Variants in CTDP1 observed in about 807,000 individuals in gnomAD.
CTDP1 encodes the protein RNA polymerase II subunit A C-terminal domain phosphatase.
Under a neutral mutation model 91.8 loss-of-function variants are expected in CTDP1, and 47 were observed. That is an observed-to-expected ratio of 0.51 (90% CI 0.41 to 0.65). CTDP1 has a LOEUF of 0.65. Ranked by LOEUF, CTDP1 falls within the 30% of genes least tolerant of loss-of-function variation. CTDP1 has a pLI of 0.00. For synonymous variants in CTDP1, 656 were observed against 598.5 expected, an observed-to-expected ratio of 1.10 and a Z score of -1.40; for missense variants, 1,272 against 1,373.7, an observed-to-expected ratio of 0.93 and a Z score of 1.17.
intron 1 of CTDP1, among the ~76,000 whole-genome samples, chr18:79,689,246 G>C (rs1457693121): frequency 6.6e-6 from 1 of 152,140 alleles, no homozygotes; most frequent in Non-Finnish European, 1.5e-5. Context: ...TGGTGAGACT[G>C]TCCCAGAGCC....
Position 79,713,050 on chromosome 18 carries a change from G to A in CTDP1, c.942G>A (p.Leu314=), listed in dbSNP as rs745589707. 1 of 1,614,124 alleles carries A rather than the reference G, an allele frequency of 6.2e-7. No individual in the cohort carries two copies. The highest frequency in any genetic ancestry group is 1.1e-5 in the South Asian group (1 of 91,074). Residue 314 remains leucine, a synonymous_variant, in exon 7 of 13, where the codon CTG becomes CTA. Transcript: ENST00000613122. The surrounding 1 kb of genome is among the most constrained non-coding windows in gnomAD (Gnocchi z 4.7). ...ATGTCTGGAAGTTTGCCCCCAATCT[G>A]ATAACTGTGAAGAAATATGTATACT... ...REDVWKFAPN[L]ITVKKYVYFQ...
At chr18:79,710,499 AT>A in intron 6 of CTDP1, 63 bp downstream of exon 6, 1 of 1,270,316 alleles carries the variant, frequency 7.9e-7, no homozygotes, top group Non-Finnish European at 1.2e-6. Flanking sequence ...CAAAAATCGC[AT>A]CTTGAAATTT....
intron 1 of CTDP1, among the ~76,000 whole-genome samples, chr18:79,692,340 C>G (rs2085643215): frequency 6.6e-6 from 1 of 152,126 alleles, no homozygotes; most frequent in African/African-American, 2.4e-5. Flanking sequence ...ACCTTTGAGT[C>G]TTTCTGGACT....
At chr18:79,718,421 C>A (rs534896483) in intron 10 of CTDP1, among the ~76,000 whole-genome samples, 2 of 152,322 alleles carry the variant, frequency 1.3e-5, no homozygotes, top group East Asian at 3.9e-4. Context: ...CTCTGCCAAC[C>A]CCAGGCTGCC....
At chr18:79,684,250 G>A (rs1167324243) in intron 1 of CTDP1, among the ~76,000 whole-genome samples, 2 of 152,230 alleles carry the variant, frequency 1.3e-5, no homozygotes, top group East Asian at 3.8e-4. Context: ...GTGCCGAGGA[G>A]CAGACTACGC....
upstream of CTDP1, chr18:79,677,709 G>A (rs1369168142): frequency 6.6e-6 from 1 of 152,252 alleles, no homozygotes; most frequent in Non-Finnish European, 1.5e-5. Flanking sequence ...CCCATGCTGA[G>A]TAGTCTGTCC....
At chr18:79,686,932 T>G (rs373160419) in intron 1 of CTDP1, among the ~76,000 whole-genome samples, 7 of 144,058 alleles carry the variant, frequency 4.9e-5, no homozygotes, top group African/African-American at 1.6e-4. Context: ...AGTTGGCTTC[T>G]CCAGTTCACT....
chr18:79,742,230 G>A (rs1401284568), intron 12 of CTDP1, among the ~76,000 whole-genome samples: 1 of 151,648 alleles, frequency 6.6e-6, no homozygotes, highest in Non-Finnish European at 1.5e-5. Flanking sequence ...GAGGAAGCGT[G>A]AGGGGTTGGT....
chr18:79,679,721 C>T (rs1055811448), upstream of CTDP1: 10 of 510,380 alleles, frequency 2.0e-5, no homozygotes, highest in Non-Finnish European at 3.3e-5. Flanking sequence ...GGAGCCGGCT[C>T]CGGCCCCGCG....
intron 4 of CTDP1, among the ~76,000 whole-genome samples, chr18:79,701,283 G>A (rs972992488): frequency 1.3e-5 from 2 of 152,052 alleles, no homozygotes; most frequent in African/African-American, 2.4e-5. Flanking sequence ...GGACAAGGCG[G>A]GTGGATCACG....
At chr18:79,690,472 C>T (rs889398370) in intron 1 of CTDP1, among the ~76,000 whole-genome samples, 9 of 152,146 alleles carry the variant, frequency 5.9e-5, no homozygotes, top group Non-Finnish European at 8.8e-5. Flanking sequence ...TTTGTGTATC[C>T]GCATTCAAGA....
chr18:79,753,446 C>T (rs1157458344), intron 12 of CTDP1, among the ~76,000 whole-genome samples: 2 of 152,230 alleles, frequency 1.3e-5, no homozygotes, highest in African/African-American at 4.8e-5. Flanking sequence ...TGTAACAGGG[C>T]TGGGGCCTCT....
chr18:79,706,110 C>T (rs971751129), intron 5 of CTDP1, among the ~76,000 whole-genome samples: 2 of 152,158 alleles, frequency 1.3e-5, no homozygotes, highest in South Asian at 4.1e-4. Flanking sequence ...ACTCCATCCT[C>T]GTGAATGGAA....
At chr18:79,695,538 A>T (rs1222107545) in intron 2 of CTDP1, among the ~76,000 whole-genome samples, 1 of 152,126 alleles carries the variant, frequency 6.6e-6, no homozygotes, top group African/African-American at 2.4e-5. Context: ...GTGGGGGGGC[A>T]TGCTGGAGGG....
At chr18:79,693,845 G>A (rs892137222) in intron 1 of CTDP1, among the ~76,000 whole-genome samples, 9 of 144,374 alleles carry the variant, frequency 6.2e-5, no homozygotes, top group Admixed American at 2.7e-4. Flanking sequence ...CTACAGACCC[G>A]CCCCTCCGAG....
At chr18:79,680,361 CT>C in intron 1 of CTDP1, 100 bp downstream of exon 1, 1 of 975,040 alleles carries the variant, frequency 1.0e-6, no homozygotes, top group Non-Finnish European at 1.3e-6. Context: ...AGGGGCGCCC[CT>C]GGTGAGGGAG....
chr18:79,735,365 C>CGGGGCTGT (rs1487410617), intron 11 of CTDP1, among the ~76,000 whole-genome samples: 1 of 152,208 alleles, frequency 6.6e-6, no homozygotes, highest in Non-Finnish European at 1.5e-5. Flanking sequence ...TCAGGGACCA[C>CGGGGCTGT]GGGGCTGTGC....
intron 12 of CTDP1, among the ~76,000 whole-genome samples, chr18:79,742,153 C>A: frequency 3.5e-4 from 4 of 11,462 alleles, no homozygotes; most frequent in Non-Finnish European, 1.2e-3. Context: ...AGGTGGAGGC[C>A]TGGGGGCAGC....
intron 1 of CTDP1, among the ~76,000 whole-genome samples, chr18:79,690,312 A>C (rs542012736): frequency 6.6e-6 from 1 of 152,178 alleles, no homozygotes; most frequent in Non-Finnish European, 1.5e-5. Context: ...TTTGGTACTT[A>C]CTATACTTGT....
Sources: allele counts gnomAD v4.1 joint callset (sites outside exome capture counted in the v4.1 genomes callset), GRCh38; gene constraint gnomAD v4.1.1; non-coding constraint Gnocchi (gnomAD v3.1); transcripts MANE v1.5; gene names NCBI Gene and HGNC (gene_info 2026-07-23, HGNC 2026-07-21).